The following TPM4 variants were observed in gnomAD, a reference collection of about 807,000 sequenced individuals.
TPM4 encodes the protein tropomyosin alpha-4 chain.
TPM4 carries 17 observed loss-of-function variants against 35.8 expected under a neutral mutation model. The ratio of observed to expected loss-of-function variants is 0.47; its 90% CI spans 0.32 to 0.71. TPM4 has a LOEUF of 0.71. Ranked by LOEUF, TPM4 falls within the 30% of genes least tolerant of loss-of-function variation. TPM4 has a pLI of 0.03. For synonymous variants in TPM4, 120 were observed against 122.9 expected (o/e 0.98, Z 0.15); for missense variants, 240 against 320.9 (o/e 0.75, Z 1.93).
intron 4 of TPM4, chr19:16,088,690 C>T: frequency 9.4e-7 from 1 of 1,061,172 alleles, no homozygotes; most frequent in Non-Finnish European, 1.1e-6. Flanking sequence ...TCCCATTGCT[C>T]TCTGCCCGCC....
chr19:16,093,952 C>CTTTTTTT (rs35095689), intron 7 of TPM4, among the ~76,000 whole-genome samples, 199 bp downstream of exon 7: 5 of 108,792 alleles, frequency 4.6e-5, no homozygotes, highest in Non-Finnish European at 3.6e-5. Flanking sequence ...TTGAATGGCC[C>CTTTTTTT]TTTTTTTTTT....
At chr19:16,080,978 T>C (rs1409536790) in intron 1 of TPM4, 1 of 398,436 alleles carries the variant, frequency 2.5e-6, no homozygotes, top group East Asian at 3.6e-5. Context: ...GCAACCAAGT[T>C]TTCTTTCCCT....
upstream of TPM4, chr19:16,076,473 CT>C: frequency 7.5e-7 from 1 of 1,334,186 alleles, no homozygotes; most frequent in South Asian, 1.9e-5. Context: ...CAGGCAAAGG[CT>C]TGGGGGGCCG....
upstream of TPM4, chr19:16,076,190 C>G (rs2090402808): frequency 1.2e-5 from 19 of 1,552,216 alleles, no homozygotes; most frequent in Non-Finnish European, 1.7e-5. Flanking sequence ...TGCAGGGATG[C>G]GGGAGCCCGC....
intron 7 of TPM4, chr19:16,100,389 C>T (rs2144967718): frequency 6.6e-6 from 1 of 152,350 alleles, no homozygotes; most frequent in Middle Eastern, 3.4e-3. Context: ...TTGGGATATA[C>T]TTACACTAAA....
chr19:16,078,919 G>C (rs2090447307), intron 1 of TPM4, among the ~76,000 whole-genome samples: 1 of 151,632 alleles, frequency 6.6e-6, no homozygotes, highest in African/African-American at 2.4e-5. Flanking sequence ...CCCGACAGCT[G>C]GTTTCGTTTA....
chr19:16,080,457 T>G (rs552404380), intron 1 of TPM4: 1 of 195,144 alleles, frequency 5.1e-6, no homozygotes, highest in African/African-American at 2.3e-5. Context: ...CTAATCAGGC[T>G]TTGGGATGGA....
intron 7 of TPM4, among the ~76,000 whole-genome samples, chr19:16,094,666 A>C (rs75766013): frequency 2.1e-4 from 30 of 145,094 alleles, no homozygotes; most frequent in African/African-American, 7.8e-4. Flanking sequence ...CATAGTATTT[A>C]AAAAAAAAAA....
Position 16,088,167 on chromosome 19 carries a change from G to A in TPM4, c.455+70G>A, listed in dbSNP as rs535626563. 7.3e-5 allele frequency: 114 copies of A among 1,556,600 alleles called. 1 individual carries two copies. In the African/African-American group the frequency reaches 1.5e-3, roughly 20 times the overall value. On this transcript the variant is annotated intron_variant, in intron 4 of 7. Transcript: ENST00000643579. ...GGCGGAGTGGGAAGGAGCTGGCTGT[G>A]TTGGGAATTGGCTCTGACCGGGGTC...
intron 2 of TPM4, among the ~76,000 whole-genome samples, chr19:16,084,861 A>G (rs1385556196): frequency 6.6e-6 from 1 of 152,230 alleles, no homozygotes; most frequent in East Asian, 1.9e-4. Context: ...TTTATTGGAC[A>G]GCAAGAAGCA....
Position 16,067,817 on chromosome 19 carries a change from G to A in TPM4, c.114+79G>A. On this transcript the variant is annotated intron_variant, in intron 2 of 2. Transcript: ENST00000589897. This position sits in a 1 kb window ranked among gnomAD's most constrained non-coding sequence, Gnocchi z 4.1. ...GAAGGCCGGGGTCTGGAGCCCAGTT[G>A]GGGGTCGCAGACACCTGCGGGAGGA... 1 of 1,376,700 alleles carries A rather than the reference G, an allele frequency of 7.3e-7. No homozygotes were observed. Among genetic ancestry groups the A allele is most frequent in the Non-Finnish European group, 9.9e-7 (1 of 1,006,716 alleles). 85.3% of individuals were successfully genotyped at this position (1,376,700 alleles called of 1,614,324 possible).
rs1456619473 is a variant in TPM4 at position 16,093,521 on chromosome 19, T to G, written c.532-15T>G. On this transcript the variant is annotated splice_polypyrimidine_tract_variant and intron_variant, in intron 5 of 7. Coordinates refer to ENST00000643579, the MANE Select transcript of TPM4 (RefSeq NM_003290.3). ...GCCTCCTTTTCTTAAAGCAGTGTTT[T>G]GGTTTCTCCCACAGTATTCTGAAAA... is the stretch of plus-strand genomic sequence containing the variant. 5.6e-6 allele frequency: 9 copies of G among 1,613,832 alleles called. No individual in the cohort carries two copies. The highest frequency in any genetic ancestry group is 7.6e-6 in the Non-Finnish European group (9 of 1,180,020).
At chr19:16,095,586 C>T in intron 7 of TPM4, 2 of 1,012,248 alleles carry the variant, frequency 2.0e-6, no homozygotes, top group South Asian at 4.7e-5. Context: ...TAGCCTGAAA[C>T]ACAAAGTGGG....
rs2090553559 is a variant in TPM4, at chr19:16,086,502, A to C, written c.346A>C (p.Lys116Gln). Residue 116 changes from lysine to glutamine, a missense_variant, in exon 3 of 8, where the codon AAG (lysine) becomes CAG (glutamine). Physicochemically the swap from Lys to Gln is moderately conservative, Grantham distance 53 (BLOSUM62 1). Coordinates refer to ENST00000643579, the MANE Select transcript of TPM4 (RefSeq NM_003290.3). ...EIQEMQLKEA[K>Q]HIAEEADRKY... ...TCAGGAGATGCAGCTCAAAGAGGCC[A>C]AGCACATTGCGGAAGAGGCTGACCG... is the stretch of plus-strand genomic sequence containing the variant. 6.2e-7 allele frequency: 1 copy of C among 1,613,944 alleles called. No individual in the cohort carries two copies. Among genetic ancestry groups the C allele is most frequent in the African/African-American group, 1.3e-5 (1 of 74,918 alleles).
In TPM4 at chr19:16,093,554, A is replaced by C; in HGVS notation, c.550A>C (p.Lys184Gln). 3.1e-6 allele frequency: 5 copies of C among 1,614,190 alleles called. No homozygotes were observed. Among genetic ancestry groups the C allele is most frequent in the Non-Finnish European group, 3.4e-6 (4 of 1,180,032 alleles). Reference protein sequence around the residue: ...ASEKYSEKEDKYEEEIKLLSD... With the variant: ...ASEKYSEKEDQYEEEIKLLSD... ...CCCACAGTATTCTGAAAAGGAGGAC[A>C]AATATGAAGAAGAAATTAAACTTCT... is the stretch of plus-strand genomic sequence containing the variant. The change falls in exon 6 of 8, where the codon AAA becomes CAA. Residue 184 changes from lysine to glutamine, a missense_variant. By Grantham distance (53) the Lys-to-Gln change is moderately conservative. Coordinates refer to ENST00000643579, the MANE Select transcript of TPM4 (RefSeq NM_003290.3).
In TPM4 at chr19:16,067,870, G is replaced by A. The variant is rs1463136804; in HGVS notation, c.114+132G>A. 2 of 808,160 alleles carry A rather than the reference G, an allele frequency of 2.5e-6. No homozygotes were observed. Among genetic ancestry groups the A allele is most frequent in the South Asian group, 1.8e-5 (1 of 56,140 alleles). The allele number at this position is 808,160 out of a possible 1,614,324, so 50.1% of individuals were successfully genotyped here. A position where few individuals can be genotyped will look rare whatever the true frequency, so the allele number is the denominator to read the frequency against. On this transcript the variant is annotated intron_variant, in intron 2 of 2. Transcript: ENST00000589897. The surrounding 1 kb of genome is among the most constrained non-coding windows in gnomAD (Gnocchi z 4.1). ...GGAGGCTGATGCTTTGGCGGAGGAA[G>A]AGCGAGGGGACCATTGCCTTCCTTG...
chr19:16,091,171 G>C (rs1428312113), intron 5 of TPM4, among the ~76,000 whole-genome samples: 1 of 152,096 alleles, frequency 6.6e-6, no homozygotes, highest in Admixed American at 6.6e-5. Flanking sequence ...TCCTGCCTCA[G>C]CCTCCTGAGT....
At chr19:16,092,694 C>T (rs559397748) in intron 5 of TPM4, among the ~76,000 whole-genome samples, 4 of 152,248 alleles carry the variant, frequency 2.6e-5, no homozygotes, top group South Asian at 2.1e-4. Flanking sequence ...CACCACCACA[C>T]CTGGCTAATT....
Position 16,067,562 on chromosome 19 carries a change from T to TGACTGCCGCAGCCCCC in TPM4, c.-62_-47dup. On this transcript the variant is annotated 5_prime_UTR_variant, in exon 2 of 3. Transcript: ENST00000589897. This position sits in a 1 kb window ranked among gnomAD's most constrained non-coding sequence, Gnocchi z 4.1. ...CACTCTGCCCCACAGCCACAGCCCCTGACTGCCGCAGCCCCCACAGAGCCC... is the reference window on the plus strand; with the variant it reads ...CACTCTGCCCCACAGCCACAGCCCCTGACTGCCGCAGCCCCCGACTGCCGCAGCCCCCACAGAGCCC... 2.0e-6 allele frequency: 3 copies of TGACTGCCGCAGCCCCC among 1,481,392 alleles called. No homozygotes were observed. Among genetic ancestry groups the TGACTGCCGCAGCCCCC allele is most frequent in the Non-Finnish European group, 2.8e-6 (3 of 1,078,612 alleles). 91.8% of individuals were successfully genotyped at this position (1,481,392 alleles called of 1,614,324 possible).
Sources: gnomAD v4.1 joint callset for allele counts (sites outside exome capture counted in the v4.1 genomes callset) on GRCh38, gnomAD v4.1.1 for gene constraint, Gnocchi (gnomAD v3.1) non-coding constraint, MANE v1.5 for transcripts, NCBI Gene and HGNC (gene_info 2026-07-23, HGNC 2026-07-21) for gene names.